The following ACSL5 variants were observed in gnomAD, a reference collection of about 807,000 sequenced individuals.
ACSL5 encodes the protein long-chain-fatty-acid--CoA ligase 5.
ACSL5 carries 50 observed loss-of-function variants against 84.9 expected under a neutral mutation model. That is an observed-to-expected ratio of 0.59 (90% CI 0.47 to 0.75). The LOEUF is 0.75. Ranked by LOEUF, ACSL5 falls within the 30% of genes least tolerant of loss-of-function variation. The pLI, the probability that ACSL5 is intolerant of heterozygous loss-of-function variation, is 0.00. For missense variants in ACSL5, 775 were observed against 830.4 expected (o/e 0.93, Z 0.82); for synonymous variants, 280 against 300.7 (o/e 0.93, Z 0.71).
At chr10:112,403,048 A>G (rs1021938966) in intron 3 of ACSL5, among the ~76,000 whole-genome samples, 5 of 152,376 alleles carry the variant, frequency 3.3e-5, no homozygotes, top group East Asian at 3.9e-4. Flanking sequence ...CAAGATGTAA[A>G]TTGGAAAAAT....
intron 1 of ACSL5, among the ~76,000 whole-genome samples, chr10:112,378,562 C>A (rs188479813): frequency 1.3e-5 from 2 of 152,144 alleles, no homozygotes; most frequent in Non-Finnish European, 2.9e-5. Context: ...GATTTGCCAG[C>A]TTCTTAGAAA....
At chr10:112,388,740 C>T (rs1849501790) in intron 1 of ACSL5, among the ~76,000 whole-genome samples, 1 of 152,218 alleles carries the variant, frequency 6.6e-6, no homozygotes, top group East Asian at 1.9e-4. Flanking sequence ...GAGAAGAGAA[C>T]AAAGTCCATG....
At chr10:112,421,720 C>G (rs1033304328) in intron 15 of ACSL5, 55 bp downstream of exon 15, 7 of 1,536,640 alleles carry the variant, frequency 4.6e-6, no homozygotes, top group Non-Finnish European at 6.3e-6. Flanking sequence ...AAGGTTCTAA[C>G]TGAACTAGGA....
At chr10:112,378,057 G>A (rs952783237) in intron 1 of ACSL5, among the ~76,000 whole-genome samples, 1 of 152,064 alleles carries the variant, frequency 6.6e-6, no homozygotes, top group African/African-American at 2.4e-5. Flanking sequence ...CAACATCAGC[G>A]TGTCATTGCA....
At chr10:112,376,504 C>T in intron 1 of ACSL5, 1 of 1,610,920 alleles carries the variant, frequency 6.2e-7, no homozygotes, top group Non-Finnish European at 8.5e-7. Flanking sequence ...GAGGGTGTGA[C>T]AGAGGCCAAG....
intron 1 of ACSL5, among the ~76,000 whole-genome samples, chr10:112,382,110 C>A (rs1037768943): frequency 6.6e-6 from 1 of 152,168 alleles, no homozygotes; most frequent in African/African-American, 2.4e-5. Context: ...GTGCTAAACA[C>A]ACTGCCTGGC....
chr10:112,408,364 C>A, intron 5 of ACSL5, 58 bp from the exon 6 acceptor site: 3 of 1,047,454 alleles, frequency 2.9e-6, no homozygotes, highest in Non-Finnish European at 4.4e-6. Flanking sequence ...GGCTGAATGA[C>A]TGAACTGGTA....
rs1844467899 is a variant in ACSL5 at position 112,421,639 on chromosome 10, T to C, written c.1361T>C (p.Phe454Ser). Residue 454 changes from phenylalanine (F) to serine (S), a missense_variant, in exon 15 of 21, where the codon TTT (phenylalanine) becomes TCT (serine). Transcript: ENST00000354655. ...ACAGAATGCACAGGTGGCTGTACAT[T>C]TACATTACCTGGGGACTGGACATCA... ...GQTECTGGCT[F>S]TLPGDWTSGH... is the part of the protein sequence containing the mutation. 1 of 1,614,122 alleles carries C rather than the reference T, an allele frequency of 6.2e-7. No homozygotes were observed. The highest frequency in any genetic ancestry group is 1.1e-5 in the South Asian group (1 of 91,080).
In ACSL5 at chr10:112,411,957, A is replaced by C. The variant is rs1199653119; in HGVS notation, c.926A>C (p.His309Pro). 1 of 1,613,816 alleles carries C rather than the reference A, an allele frequency of 6.2e-7. No individual in the cohort carries two copies. The highest frequency in any genetic ancestry group is 8.5e-7 in the Non-Finnish European group (1 of 1,179,708). The change falls in exon 11 of 21, where the codon CAT (histidine) becomes CCT (proline). Residue 309 changes from histidine (H) to proline (P), a missense_variant. Coordinates refer to ENST00000354655, the MANE Select transcript of ACSL5 (RefSeq NM_203379.2). ...GCCATATCCTACCTCCCTCTGGCTCATATGTTTGAGAGGATTGTACAGGTG... is the reference window on the plus strand; with the variant it reads ...GCCATATCCTACCTCCCTCTGGCTCCTATGTTTGAGAGGATTGTACAGGTG... ...DVAISYLPLA[H>P]MFERIVQAVV...
At chr10:112,409,826 T>C (rs1487953895) in intron 7 of ACSL5, 141 bp downstream of exon 7, 1 of 852,406 alleles carries the variant, frequency 1.2e-6, no homozygotes, top group Non-Finnish European at 1.8e-6. Context: ...GCTGTGAAGC[T>C]CTGAGAATAA....
chr10:112,388,805 C>T (rs1849502953), intron 1 of ACSL5, among the ~76,000 whole-genome samples: 1 of 152,070 alleles, frequency 6.6e-6, no homozygotes, highest in Non-Finnish European at 1.5e-5. Context: ...AAACAGTGAG[C>T]CTCCGAGGAA....
chr10:112,420,487 C>T (rs1276866222), intron 14 of ACSL5, among the ~76,000 whole-genome samples: 1 of 152,172 alleles, frequency 6.6e-6, no homozygotes, highest in Non-Finnish European at 1.5e-5. Context: ...AGATGGCTCA[C>T]AAAGTGGAAA....
chr10:112,402,659 G>A (rs1400293587), intron 3 of ACSL5, among the ~76,000 whole-genome samples: 2 of 152,152 alleles, frequency 1.3e-5, no homozygotes, highest in South Asian at 4.1e-4. Context: ...ATCAGAGTGG[G>A]TATCTCTTCC....
rs765946283 is a variant in ACSL5, at chr10:112,425,386, G to C, written c.1642G>C (p.Ala548Pro). ...CCGTAAAAAGAACATTTTCAAGCTG[G>C]CCCAAGGAGAATACATTGCACCAGA... Reference protein sequence around the residue: ...IDRKKNIFKLAQGEYIAPEKI... With the variant: ...IDRKKNIFKLPQGEYIAPEKI... Residue 548 changes from alanine to proline, a missense_variant, in exon 18 of 21, where the codon GCC becomes CCC. By Grantham distance (27) the Ala-to-Pro change is conservative. Transcript: ENST00000354655. The C allele has an allele frequency of 3.7e-6, 6 of 1,613,198 alleles. No homozygotes were observed. Among genetic ancestry groups the C allele is most frequent in the Non-Finnish European group, 5.1e-6 (6 of 1,179,612 alleles).
At chr10:112,376,269 A>G (rs1463198091) in intron 1 of ACSL5, 19 of 1,613,428 alleles carry the variant, frequency 1.2e-5, no homozygotes, top group Non-Finnish European at 1.4e-5. Flanking sequence ...AGCTCAGAGC[A>G]GGGCAGAACT....
At chr10:112,384,942 A>G (rs1303842478) in intron 1 of ACSL5, among the ~76,000 whole-genome samples, 2 of 152,202 alleles carry the variant, frequency 1.3e-5, no homozygotes, top group East Asian at 3.8e-4. Context: ...GCAGTACATC[A>G]TGAGCTCTTT....
intron 7 of ACSL5, chr10:112,410,196 C>G: frequency 5.4e-6 from 8 of 1,477,502 alleles, no homozygotes; most frequent in Non-Finnish European, 7.2e-6. Flanking sequence ...TAGTTAGGGC[C>G]CTAGATGACT....
At chr10:112,386,495 G>A (rs1242808675) in intron 1 of ACSL5, among the ~76,000 whole-genome samples, 1 of 152,060 alleles carries the variant, frequency 6.6e-6, no homozygotes, top group Non-Finnish European at 1.5e-5. Context: ...TGTCTGGCCA[G>A]AAAACTCCTA....
At chr10:112,408,365 T>C in intron 5 of ACSL5, 57 bp from the exon 6 acceptor site, 2 of 1,090,576 alleles carry the variant, frequency 1.8e-6, no homozygotes, top group Non-Finnish European at 2.8e-6. Flanking sequence ...GCTGAATGAC[T>C]GAACTGGTAC....
Sources: allele counts gnomAD v4.1 joint callset (sites outside exome capture counted in the v4.1 genomes callset), GRCh38; gene constraint gnomAD v4.1.1; transcripts MANE v1.5; gene names NCBI Gene and HGNC (gene_info 2026-07-23, HGNC 2026-07-21).